The following CDH13 variants were observed in gnomAD, a reference collection of about 807,000 sequenced individuals.
CDH13 encodes cadherin-13.
Under a neutral mutation model 63.8 loss-of-function variants are expected in CDH13, and 24 were observed. The ratio of observed to expected loss-of-function variants is 0.38; its 90% CI spans 0.27 to 0.53. The LOEUF is 0.53. CDH13 is among the 20% of genes least tolerant of loss of function. The probability of loss-of-function intolerance (pLI) is 0.85; values close to 1 mark genes in which losing one functional copy is unlikely to be tolerated. For missense variants in CDH13, 1,049 were observed against 903.1 expected (o/e 1.16, Z -2.07); for synonymous variants, 503 against 355.3 (o/e 1.42, Z -4.67).
chr16:82,962,484 C>T (rs1457502870), intron 2 of CDH13, among the ~76,000 whole-genome samples: 1 of 152,178 alleles, frequency 6.6e-6, no homozygotes, highest in East Asian at 1.9e-4. Context: ...CGATCAGATG[C>T]CTGTGCCTTT....
At chr16:83,224,520 A>G (rs1301286895) in intron 5 of CDH13, among the ~76,000 whole-genome samples, 2 of 152,218 alleles carry the variant, frequency 1.3e-5, no homozygotes, top group South Asian at 4.1e-4. Flanking sequence ...GGTCCTATCA[A>G]TCAATAACAC....
chr16:83,393,622 A>C (rs1357594767), intron 6 of CDH13, among the ~76,000 whole-genome samples: 1 of 152,254 alleles, frequency 6.6e-6, no homozygotes, highest in Non-Finnish European at 1.5e-5. Context: ...CTCTACTGAA[A>C]GAATGAATGA....
chr16:83,518,478 T>C (rs568236670), intron 7 of CDH13, among the ~76,000 whole-genome samples: 2 of 134,298 alleles, frequency 1.5e-5, no homozygotes, highest in East Asian at 4.2e-4. Flanking sequence ...TTTTTTGTTT[T>C]TTGTTTTTTT....
chr16:83,540,383 C>A (rs1209697602), intron 7 of CDH13, among the ~76,000 whole-genome samples: 1 of 152,164 alleles, frequency 6.6e-6, no homozygotes, highest in Non-Finnish European at 1.5e-5. Flanking sequence ...TGATTAGGTA[C>A]ATCTGAAGCC....
intron 3 of CDH13, among the ~76,000 whole-genome samples, chr16:83,061,928 C>G (rs993703165): frequency 6.6e-6 from 1 of 152,158 alleles, no homozygotes; most frequent in Non-Finnish European, 1.5e-5. Flanking sequence ...GAGAGGCCCT[C>G]TAGAGAGGCT....
intron 1 of CDH13, among the ~76,000 whole-genome samples, chr16:82,685,407 A>G (rs775690483): frequency 6.6e-6 from 1 of 152,198 alleles, no homozygotes; most frequent in South Asian, 2.1e-4. Context: ...GCTCATCCTC[A>G]TGACCTAATC....
intron 7 of CDH13, among the ~76,000 whole-genome samples, chr16:83,496,448 G>A (rs1347650605): frequency 3.3e-5 from 5 of 151,388 alleles, no homozygotes; most frequent in Non-Finnish European, 5.9e-5. Flanking sequence ...GGGAAAACTG[G>A]CTAGCCATAT....
chr16:82,653,992 G>A (rs577021996), intron 1 of CDH13, among the ~76,000 whole-genome samples: 9 of 152,248 alleles, frequency 5.9e-5, no homozygotes, highest in Admixed American at 5.9e-4. Flanking sequence ...GGAGAAATCA[G>A]GTTTCTTCCA....
chr16:82,819,837 G>A (rs983687733), intron 1 of CDH13, among the ~76,000 whole-genome samples: 14 of 152,206 alleles, frequency 9.2e-5, no homozygotes, highest in Non-Finnish European at 5.9e-5. Flanking sequence ...TAGCAGAAGA[G>A]ACAACTAATA....
At chr16:83,426,907 CTTTTTTTTT>C (rs71148833) in intron 6 of CDH13, among the ~76,000 whole-genome samples, 31 of 63,176 alleles carry the variant, frequency 4.9e-4, no homozygotes, top group African/African-American at 9.9e-4. Context: ...ATGTTTCTTT[CTTTTTTTTT>C]TTTTTTTTTT....
chr16:83,510,307 A>G (rs1307911481), intron 7 of CDH13, among the ~76,000 whole-genome samples: 1 of 152,204 alleles, frequency 6.6e-6, no homozygotes, highest in Non-Finnish European at 1.5e-5. Flanking sequence ...CTTAGAATGT[A>G]AAATATGAAT....
At chr16:83,079,519 C>T (rs1351406291) in intron 3 of CDH13, among the ~76,000 whole-genome samples, 1 of 152,108 alleles carries the variant, frequency 6.6e-6, no homozygotes, top group Non-Finnish European at 1.5e-5. Flanking sequence ...AATAATATTT[C>T]CACCAAATGC....
At chr16:83,355,264 T>A (rs1333227308) in intron 6 of CDH13, among the ~76,000 whole-genome samples, 2 of 152,256 alleles carry the variant, frequency 1.3e-5, no homozygotes, top group East Asian at 3.8e-4. Flanking sequence ...CGGAAAATTC[T>A]AAATATTGAG....
At chr16:82,773,953 T>A (rs569747190) in intron 1 of CDH13, among the ~76,000 whole-genome samples, 14 of 152,112 alleles carry the variant, frequency 9.2e-5, no homozygotes, top group African/African-American at 2.9e-4. Context: ...CTGGCTGATT[T>A]TTTGTGTTTT....
intron 7 of CDH13, among the ~76,000 whole-genome samples, chr16:83,506,526 C>G (rs55676426): frequency 6.6e-6 from 1 of 152,210 alleles, no homozygotes; most frequent in Admixed American, 6.5e-5. Context: ...TCAGCATTTT[C>G]TCTTCCCTCA....
intron 7 of CDH13, among the ~76,000 whole-genome samples, chr16:83,574,147 G>A (rs562912551): frequency 6.6e-6 from 1 of 152,184 alleles, no homozygotes; most frequent in Admixed American, 6.5e-5. Context: ...AGAGAGATAA[G>A]TGCCTGGGTC....
At chr16:82,758,902 C>T (rs2034724950) in intron 1 of CDH13, among the ~76,000 whole-genome samples, 1 of 152,184 alleles carries the variant, frequency 6.6e-6, no homozygotes, top group African/African-American at 2.4e-5. Context: ...AAGCCTCGGC[C>T]AGTCTTTTCT....
intron 2 of CDH13, among the ~76,000 whole-genome samples, chr16:82,938,341 G>A (rs2042731470): frequency 6.6e-6 from 1 of 152,136 alleles, no homozygotes; most frequent in African/African-American, 2.4e-5. Context: ...ACTTGATTCG[G>A]GAATAGAACT....
At chr16:83,316,462 G>A (rs960958045) in intron 5 of CDH13, among the ~76,000 whole-genome samples, 5 of 152,176 alleles carry the variant, frequency 3.3e-5, no homozygotes, top group East Asian at 1.9e-4. Context: ...CAGTGCTACC[G>A]CTAGAGCTGG....
Sources: allele counts gnomAD v4.1 joint callset (sites outside exome capture counted in the v4.1 genomes callset), GRCh38; gene constraint gnomAD v4.1.1; transcripts MANE v1.5; gene names NCBI Gene and HGNC (gene_info 2026-07-23, HGNC 2026-07-21).